Variants in HIPK2 observed in about 807,000 individuals in gnomAD.
HIPK2 encodes homeodomain interacting protein kinase 2, also known as homeodomain-interacting protein kinase 2.
Under a neutral mutation model 113.7 loss-of-function variants are expected in HIPK2, and 27 were observed. That is an observed-to-expected ratio of 0.24 (90% confidence interval 0.17 to 0.33). HIPK2 has a LOEUF of 0.33. Ranked by LOEUF, HIPK2 falls within the 10% of genes least tolerant of loss-of-function variation. HIPK2 has a pLI of 1.00. For missense variants in HIPK2, 1,257 were observed against 1,588.0 expected, an observed-to-expected ratio of 0.79 and a Z score of 3.54; for synonymous variants, 631 against 642.2, an observed-to-expected ratio of 0.98 and a Z score of 0.26.
chr7:139,656,810 C>G (rs1326233214), intron 2 of HIPK2, among the ~76,000 whole-genome samples: 3 of 152,184 alleles, frequency 2.0e-5, no homozygotes, highest in Non-Finnish European at 4.4e-5. Flanking sequence ...CTTTCTTCAT[C>G]TGCGATGCTC....
chr7:139,761,052 GA>G (rs1258112723), intron 1 of HIPK2, among the ~76,000 whole-genome samples: 4 of 152,106 alleles, frequency 2.6e-5, no homozygotes, highest in African/African-American at 9.7e-5. Flanking sequence ...TAGAAAGACA[GA>G]AAAAAACCAC....
At chr7:139,645,809 G>T (rs1329875460) in intron 2 of HIPK2, among the ~76,000 whole-genome samples, 1 of 152,152 alleles carries the variant, frequency 6.6e-6, no homozygotes, top group African/African-American at 2.4e-5. Context: ...GCCATGGCCC[G>T]TCTGCTCACA....
chr7:139,593,708 G>A (rs576900285), intron 12 of HIPK2, among the ~76,000 whole-genome samples: 1 of 152,310 alleles, frequency 6.6e-6, no homozygotes, highest in South Asian at 2.1e-4. Context: ...TGGCACTGGG[G>A]TAAGTAGCAA....
rs1301268046 is a variant in HIPK2 at position 139,628,947 on chromosome 7, G to A, written c.1434+6C>T. ...CTTACGTTGCATACTCACCCATGAA[G>A]CTTACCTGGGCCATATCATCTAAAC... On this transcript the variant is annotated splice_donor_region_variant and intron_variant, in intron 5 of 14. Transcript: ENST00000406875. The A allele has an allele frequency of 7.6e-6, 12 of 1,588,478 alleles. No homozygotes were observed. Among genetic ancestry groups the A allele is most frequent in the Non-Finnish European group, 9.4e-6 (11 of 1,165,436 alleles).
intron 2 of HIPK2, among the ~76,000 whole-genome samples, chr7:139,681,266 G>A (rs761039205): frequency 6.6e-6 from 1 of 152,130 alleles, no homozygotes; most frequent in African/African-American, 2.4e-5. Flanking sequence ...GGCCTGTTTT[G>A]ATAACAGAAG....
chr7:139,765,714 G>C (rs1410977717), intron 1 of HIPK2, among the ~76,000 whole-genome samples: 1 of 152,130 alleles, frequency 6.6e-6, no homozygotes. Context: ...TTCCCATTCA[G>C]GTAATCAGCC....
intron 12 of HIPK2, among the ~76,000 whole-genome samples, chr7:139,590,329 T>C (rs1798974352): frequency 6.6e-6 from 1 of 152,186 alleles, no homozygotes; most frequent in South Asian, 2.1e-4. Flanking sequence ...ATAATTTTCA[T>C]CATTTCAAAA....
Position 139,631,231 on chromosome 7 carries a change from G to A in HIPK2, c.1281C>T (p.Ala427=), listed in dbSNP as rs369050455. 18 of 1,613,580 alleles carry A rather than the reference G, an allele frequency of 1.1e-5. No individual in the cohort carries two copies. The highest frequency in any genetic ancestry group is 1.1e-4 in the South Asian group (10 of 90,968). The change falls in exon 4 of 15, where the codon GCC becomes GCT. Residue 427 remains alanine, a synonymous_variant. Coordinates refer to ENST00000406875, the MANE Select transcript of HIPK2 (RefSeq NM_022740.5). The surrounding 1 kb of genome is among the most constrained non-coding windows in gnomAD (Gnocchi z 4.9). ...TGAAAAACCTAGTTGTCTTTGTCCC[G>A]GCGCTTAATAAATATTCAGCAGGCA... is the stretch of plus-strand genomic sequence containing the variant. ...QGLPAEYLLS[A]GTKTTRFFNR...
Position 139,564,027 on chromosome 7 carries a change from T to G in HIPK2, c.*8900A>C, listed in dbSNP as rs1472138704. Reference sequence around the variant, plus strand: ...TTCCAAATATGATGTCTGTTTAGAGTGGGTCTCAATGGACCAGGCTGAGCT... The same window carrying G: ...TTCCAAATATGATGTCTGTTTAGAGGGGGTCTCAATGGACCAGGCTGAGCT... On this transcript the variant is annotated 3_prime_UTR_variant, in exon 15 of 15. Transcript: ENST00000406875. 2.0e-5 allele frequency: 8 copies of G among 398,230 alleles called. No individual in the cohort carries two copies. The highest frequency in any genetic ancestry group is 4.4e-5 in the Admixed American group (1 of 22,720). 24.7% of individuals were successfully genotyped at this position (398,230 alleles called of 1,614,324 possible). A position where few individuals can be genotyped will look rare whatever the true frequency, so the allele number is the denominator to read the frequency against.
At chr7:139,622,169 G>A (rs1800257337) in intron 6 of HIPK2, among the ~76,000 whole-genome samples, 1 of 152,124 alleles carries the variant, frequency 6.6e-6, no homozygotes, top group South Asian at 2.1e-4. Flanking sequence ...AGTTTCAAAT[G>A]ACTGACTGAG....
chr7:139,603,985 A>G (rs1799527920), intron 10 of HIPK2, 96 bp downstream of exon 10: 2 of 1,518,612 alleles, frequency 1.3e-6, no homozygotes, highest in Non-Finnish European at 1.8e-6. Flanking sequence ...AAACCGGGGA[A>G]TTGAAGTACA....
Position 139,596,734 on chromosome 7 carries a change from C to G in HIPK2, c.2700G>C (p.Gln900His), listed in dbSNP as rs1799228119. Residue 900 changes from glutamine (Q) to histidine (H), a missense_variant, in exon 12 of 15, where the codon CAG becomes CAC. Physicochemically the swap from Gln to His is conservative, Grantham distance 24 (BLOSUM62 0). This residue lies in a region of HIPK2 where 862 missense variants were observed against 1,004.3 expected (regional missense o/e 0.86). Transcript: ENST00000406875. ...TGCCTCACCTGGTGGGGGCGTGTTT[C>G]TGTTCCTCCTCCTCGTCCGTGTCAC... Reference protein sequence around the residue: ...ISSDTDEEEEQKHAPTSTVSK... With the variant: ...ISSDTDEEEEHKHAPTSTVSK... The G allele has an allele frequency of 6.2e-7, 1 of 1,611,514 alleles. No homozygotes were observed. The highest frequency in any genetic ancestry group is 1.3e-5 in the African/African-American group (1 of 75,020).
chr7:139,713,992 T>C (rs1311402642), intron 2 of HIPK2, among the ~76,000 whole-genome samples: 3 of 152,206 alleles, frequency 2.0e-5, no homozygotes, highest in Non-Finnish European at 4.4e-5. Context: ...CTTGTCTTCC[T>C]TGGAGGCTCC....
chr7:139,732,229 G>A (rs1158031833), intron 1 of HIPK2, among the ~76,000 whole-genome samples: 1 of 152,164 alleles, frequency 6.6e-6, no homozygotes, highest in Admixed American at 6.5e-5. Flanking sequence ...AAATCAGCTG[G>A]TACAGGGATC....
chr7:139,744,310 C>T (rs1413471380), intron 1 of HIPK2, among the ~76,000 whole-genome samples: 1 of 152,166 alleles, frequency 6.6e-6, no homozygotes, highest in Non-Finnish European at 1.5e-5. Flanking sequence ...CAAAAGAAGC[C>T]AGACACAAAA....
chr7:139,606,819 C>G (rs1356440704), intron 9 of HIPK2, among the ~76,000 whole-genome samples: 1 of 152,124 alleles, frequency 6.6e-6, no homozygotes, highest in East Asian at 1.9e-4. Flanking sequence ...CTCCAGGTTT[C>G]CAATTAGTTT....
At chr7:139,706,096 CCTT>C (rs1366624482) in intron 2 of HIPK2, among the ~76,000 whole-genome samples, 1 of 152,194 alleles carries the variant, frequency 6.6e-6, no homozygotes, top group African/African-American at 2.4e-5. Flanking sequence ...GCATTTGGCC[CCTT>C]CTTTATGCTG....
At chr7:139,611,844 C>A in intron 9 of HIPK2, among the ~76,000 whole-genome samples, 1 of 152,110 alleles carries the variant, frequency 6.6e-6, no homozygotes, top group East Asian at 1.9e-4. Flanking sequence ...AGGTGTGCAC[C>A]ACCACACCCA....
intron 13 of HIPK2, among the ~76,000 whole-genome samples, chr7:139,576,635 C>T (rs1798500904): frequency 6.6e-6 from 1 of 152,152 alleles, no homozygotes; most frequent in South Asian, 2.1e-4. Context: ...CCACCAGGGA[C>T]GGGGGTGGCA....
Sources: gnomAD v4.1 joint callset for allele counts (sites outside exome capture counted in the v4.1 genomes callset) on GRCh38, gnomAD v4.1.1 for gene constraint, gnomAD v4.1.1 regional missense constraint, Gnocchi (gnomAD v3.1) non-coding constraint, MANE v1.5 for transcripts, NCBI Gene and HGNC (gene_info 2026-07-23, HGNC 2026-07-21) for gene names.